The following FSHR variants were observed in gnomAD, a reference collection of about 807,000 sequenced individuals.
The protein encoded by FSHR is follicle stimulating hormone receptor, also known as follicle-stimulating hormone receptor.
A neutral mutation model predicts 52.1 loss-of-function variants in FSHR; 46 were observed. The ratio of observed to expected loss-of-function variants is 0.88; its 90% CI spans 0.70 to 1.13. FSHR has a LOEUF of 1.13. Among genes scored for constraint, FSHR ranks in the 50% most tolerant of loss-of-function variants. The pLI is 0.00. For synonymous variants in FSHR, 399 were observed against 309.6 expected, an observed-to-expected ratio of 1.29 and a Z score of -3.03; for missense variants, 964 against 834.6, an observed-to-expected ratio of 1.16 and a Z score of -1.91.
intron 2 of FSHR, among the ~76,000 whole-genome samples, chr2:49,064,685 G>A (rs957008237): frequency 4.6e-5 from 7 of 152,232 alleles, no homozygotes; most frequent in Non-Finnish European, 7.4e-5. Context: ...GACGTGTAAC[G>A]AGGTAAAAAC....
chr2:49,102,175 TG>T (rs1263701579), intron 1 of FSHR, among the ~76,000 whole-genome samples: 1 of 152,188 alleles, frequency 6.6e-6, no homozygotes, highest in Non-Finnish European at 1.5e-5. Flanking sequence ...TTTATATTTC[TG>T]GCTATTTGCC....
chr2:49,127,819 T>TTTGAGA (rs1558456518), intron 1 of FSHR, among the ~76,000 whole-genome samples: 1 of 72,158 alleles, frequency 1.4e-5, no homozygotes, highest in African/African-American at 6.2e-5. Flanking sequence ...TTCTTCTTCT[T>TTTGAGA]CTTCTTCTTC....
intron 1 of FSHR, among the ~76,000 whole-genome samples, chr2:49,090,636 G>T (rs2103688919): frequency 6.6e-6 from 1 of 152,288 alleles, no homozygotes; most frequent in Admixed American, 6.5e-5. Flanking sequence ...ATATATAGTA[G>T]TGAAATTACT....
In FSHR at chr2:49,139,145, T is replaced by C. The variant is rs17824877; in HGVS notation, c.152+15121A>G. Among the ~76,000 whole-genome samples, 1,507 of 152,290 alleles carry C rather than the reference T, an allele frequency of 9.9e-3. 5 individuals are homozygous for C. The highest frequency in any genetic ancestry group is 0.026 in the South Asian group (125 of 4,826). ...ACTGTCTCAAGCTCATCTGGCAATG[T>C]TTTCTAATTTGAAGAACAATGCAGG... On this transcript the variant is annotated intron_variant, in intron 1 of 9. Transcript: ENST00000406846.
At chr2:49,040,724 G>A (rs1470017566) in intron 2 of FSHR, among the ~76,000 whole-genome samples, 1 of 152,178 alleles carries the variant, frequency 6.6e-6, no homozygotes, top group Non-Finnish European at 1.5e-5. Flanking sequence ...GAGGGTCCTT[G>A]AAGATGAATA....
chr2:48,962,835 G>C lies in FSHR; in HGVS notation c.1986C>G (p.Val662=), dbSNP rs774725838. 6.2e-7 allele frequency: 1 copy of C among 1,614,062 alleles called. No individual in the cohort carries two copies. Among genetic ancestry groups the C allele is most frequent in the Non-Finnish European group, 8.5e-7 (1 of 1,180,030 alleles). The part of the protein sequence containing the change: ...QIYRTETSST[V]HNTHPRNGHC... Reference sequence around the variant, plus strand: ...GGCCATTCCTTGGATGGGTGTTGTGGACAGTGGATGAAGTTTCTGTCCTAT... The same window carrying C: ...GGCCATTCCTTGGATGGGTGTTGTGCACAGTGGATGAAGTTTCTGTCCTAT... Residue 662 remains valine (V), a synonymous_variant, in exon 10 of 10, where the codon GTC becomes GTG. Transcript: ENST00000406846.
chr2:49,099,068 G>A (rs868309601), intron 1 of FSHR, among the ~76,000 whole-genome samples: 20 of 151,694 alleles, frequency 1.3e-4, no homozygotes, highest in African/African-American at 4.6e-4. Flanking sequence ...AGGTACCTCT[G>A]TGAGATCTGT....
At chr2:49,007,578 G>T (rs1053704870) in intron 4 of FSHR, among the ~76,000 whole-genome samples, 5 of 152,026 alleles carry the variant, frequency 3.3e-5, no homozygotes, top group African/African-American at 4.8e-5. Context: ...GGACTTTTTT[G>T]GATATGTCAG....
chr2:49,056,722 A>G (rs954605149), intron 2 of FSHR, among the ~76,000 whole-genome samples: 36 of 152,104 alleles, frequency 2.4e-4, no homozygotes, highest in African/African-American at 8.7e-4. Context: ...TCATCAGCAA[A>G]TGAAATACTT....
In FSHR at chr2:48,963,089, T is replaced by A. The variant is rs1674302952; in HGVS notation, c.1732A>T (p.Ile578Phe). The A allele has an allele frequency of 1.2e-6, 2 of 1,613,942 alleles. No homozygotes were observed. Among genetic ancestry groups the A allele is most frequent in the East Asian group, 2.2e-5 (1 of 44,876 alleles). Reference protein sequence around the residue: ...TRIAKRMAMLIFTDFLCMAPI... With the variant: ...TRIAKRMAMLFFTDFLCMAPI... The stretch of plus-strand genomic sequence containing the variant: ...GCCATGCAGAGGAAGTCAGTGAAGA[T>A]GAGCATGGCCATGCGCTTGGCGATC... The change falls in exon 10 of 10, where the codon ATC (isoleucine) becomes TTC (phenylalanine). Residue 578 changes from isoleucine (I) to phenylalanine (F), a missense_variant. Coordinates refer to ENST00000406846, the MANE Select transcript of FSHR (RefSeq NM_000145.4).
intron 1 of FSHR, among the ~76,000 whole-genome samples, chr2:49,108,522 C>T (rs1003469770): frequency 1.3e-5 from 2 of 152,140 alleles, no homozygotes; most frequent in East Asian, 1.9e-4. Flanking sequence ...AGTTCTGCTA[C>T]CTTTGGATCT....
chr2:49,133,213 A>G (rs1010969158), intron 1 of FSHR, among the ~76,000 whole-genome samples: 3 of 152,146 alleles, frequency 2.0e-5, no homozygotes, highest in Non-Finnish European at 4.4e-5. Flanking sequence ...GTGCAACAGC[A>G]TTTAACAGGT....
At chr2:49,136,756 A>G (rs1040255772) in intron 1 of FSHR, among the ~76,000 whole-genome samples, 2 of 152,190 alleles carry the variant, frequency 1.3e-5, no homozygotes, top group East Asian at 3.8e-4. Context: ...ATATAAATAA[A>G]AACAAAAATC....
At position 49,141,886 on chromosome 2, in the gene FSHR, A is replaced by G. The variant is rs568986379; in HGVS notation, c.152+12380T>C. Among the ~76,000 whole-genome samples the G allele has an allele frequency of 6.6e-5, 10 of 152,278 alleles. No homozygotes were observed. The South Asian group carries it at 8.3e-4, about 13-fold the overall frequency. ...AAAATCAGGTATATAAGAGATGTCA[A>G]TTTCAATTCTGATACTGAGAAGCTG... On this transcript the variant is annotated intron_variant, in intron 1 of 9. Transcript: ENST00000406846.
At chr2:49,067,324 G>A (rs1321262291) in intron 2 of FSHR, among the ~76,000 whole-genome samples, 1 of 151,984 alleles carries the variant, frequency 6.6e-6, no homozygotes, top group Admixed American at 6.6e-5. Context: ...TGCTTCTTCA[G>A]ACTTCAGGAA....
intron 1 of FSHR, among the ~76,000 whole-genome samples, chr2:49,078,867 C>A (rs1306798835): frequency 6.6e-6 from 1 of 151,704 alleles, no homozygotes; most frequent in Non-Finnish European, 1.5e-5. Context: ...CTGGCCTACA[C>A]AATAAGAATA....
intron 2 of FSHR, among the ~76,000 whole-genome samples, chr2:49,045,710 G>A (rs1179029113): frequency 6.6e-6 from 1 of 152,142 alleles, no homozygotes; most frequent in African/African-American, 2.4e-5. Flanking sequence ...GGCCAGCTTT[G>A]CACTTGGATT....
At position 48,962,822 on chromosome 2, in the gene FSHR, G is replaced by A; in HGVS notation, c.1999C>T (p.Pro667Ser). 3 of 1,614,192 alleles carry A rather than the reference G, an allele frequency of 1.9e-6. No homozygotes were observed. Among genetic ancestry groups the A allele is most frequent in the Non-Finnish European group, 2.5e-6 (3 of 1,180,008 alleles). ...ETSSTVHNTH[P>S]RNGHCSSAPR... ...GCTGAAGAGCAGTGGCCATTCCTTG[G>A]ATGGGTGTTGTGGACAGTGGATGAA... The change falls in exon 10 of 10, where the codon CCA (proline) becomes TCA (serine). Residue 667 changes from proline to serine, a missense_variant. Physicochemically the swap from Pro to Ser is moderately conservative, Grantham distance 74 (BLOSUM62 -1). Coordinates refer to ENST00000406846, the MANE Select transcript of FSHR (RefSeq NM_000145.4).
intron 1 of FSHR, among the ~76,000 whole-genome samples, chr2:49,069,779 T>C (rs1220083707): frequency 1.3e-5 from 2 of 152,168 alleles, no homozygotes; most frequent in Non-Finnish European, 2.9e-5. Context: ...TCTCTGGCTT[T>C]TTCTAGCTTT....
Sources: gnomAD v4.1 joint callset for allele counts (sites outside exome capture counted in the v4.1 genomes callset) on GRCh38, gnomAD v4.1.1 for gene constraint, MANE v1.5 for transcripts, NCBI Gene and HGNC (gene_info 2026-07-23, HGNC 2026-07-21) for gene names.